Variants in RSBN1 observed in about 807,000 individuals in gnomAD.
RSBN1 encodes lysine-specific demethylase 9.
In RSBN1, 23 loss-of-function variants were observed where a neutral mutation model predicts 74.8. The observed-to-expected ratio is 0.31, with a 90% CI of 0.22 to 0.44. The LOEUF (loss-of-function observed/expected upper bound fraction) is 0.44. Among genes scored for constraint, RSBN1 ranks in the 20% least tolerant of loss-of-function variants. The probability of loss-of-function intolerance (pLI) is 1.00; values close to 1 mark genes in which losing one functional copy is unlikely to be tolerated. For missense variants in RSBN1, 808 were observed against 1,020.9 expected, an observed-to-expected ratio of 0.79 and a Z score of 2.84; for synonymous variants, 407 against 379.6, an observed-to-expected ratio of 1.07 and a Z score of -0.84.
chr1:113,782,799 C>T (rs749844641), intron 2 of RSBN1, among the ~76,000 whole-genome samples: 2 of 152,146 alleles, frequency 1.3e-5, no homozygotes, highest in African/African-American at 4.8e-5. Context: ...CATATCCTCA[C>T]CAGCATTTAT....
chr1:113,781,712 TCTGTATGTA>T (rs1326795250), intron 2 of RSBN1, among the ~76,000 whole-genome samples: 2 of 152,134 alleles, frequency 1.3e-5, no homozygotes, highest in Non-Finnish European at 2.9e-5. Flanking sequence ...TTTTTCTCCT[TCTGTATGTA>T]CTTCGCCGGT....
intron 2 of RSBN1, among the ~76,000 whole-genome samples, chr1:113,789,371 A>G (rs1169078479): frequency 6.6e-6 from 1 of 152,182 alleles, no homozygotes; most frequent in African/African-American, 2.4e-5. Flanking sequence ...CTACGGGGAA[A>G]GAAGCTCCTG....
chr1:113,772,649 T>G (rs913204223), intron 4 of RSBN1, among the ~76,000 whole-genome samples: 7 of 152,218 alleles, frequency 4.6e-5, no homozygotes, highest in African/African-American at 1.7e-4. Context: ...TATTCCACCA[T>G]TTTCCACAAG....
At chr1:113,784,173 C>T (rs1660194384) in intron 2 of RSBN1, among the ~76,000 whole-genome samples, 1 of 152,108 alleles carries the variant, frequency 6.6e-6, no homozygotes, top group East Asian at 1.9e-4. Flanking sequence ...TCTTCAAATA[C>T]TTGGAGGCCT....
intron 4 of RSBN1, among the ~76,000 whole-genome samples, chr1:113,773,319 G>A (rs1659917180): frequency 6.6e-6 from 1 of 152,062 alleles, no homozygotes; most frequent in South Asian, 2.1e-4. Flanking sequence ...GAGGCCAGGT[G>A]TTTGGGACGA....
intron 1 of RSBN1, among the ~76,000 whole-genome samples, chr1:113,808,504 T>G (rs112134243): frequency 2.7e-3 from 415 of 152,252 alleles, no homozygotes; most frequent in African/African-American, 9.5e-3. Context: ...AAATGAAAAG[T>G]TACATGCACA....
intron 2 of RSBN1, among the ~76,000 whole-genome samples, chr1:113,783,286 G>T (rs1660172001): frequency 6.6e-6 from 1 of 151,854 alleles, no homozygotes; most frequent in African/African-American, 2.4e-5. Context: ...GAAAAAAAAG[G>T]GGTGGAGGGG....
intron 2 of RSBN1, among the ~76,000 whole-genome samples, chr1:113,790,789 G>A (rs1373994831): frequency 6.6e-6 from 1 of 152,130 alleles, no homozygotes; most frequent in Non-Finnish European, 1.5e-5. Flanking sequence ...GATGGTATAT[G>A]GTTTAAAACA....
rs772415977 is a variant in RSBN1 at position 113,764,503 on chromosome 1, TTTATA to T, written c.*1472_*1476del. The T allele has an allele frequency of 3.9e-5, 6 of 152,714 alleles. No individual in the cohort carries two copies. Among genetic ancestry groups the T allele is most frequent in the Non-Finnish European group, 8.8e-5 (6 of 68,004 alleles). 9.5% of individuals were successfully genotyped at this position (152,714 alleles called of 1,614,324 possible). ...CACAACAATATTGCACAAAGTAATA[TTTATA>T]TAAGATTTAACCTATTTCAGAATAT... On this transcript the variant is annotated 3_prime_UTR_variant, in exon 7 of 7. Coordinates refer to ENST00000261441, the MANE Select transcript of RSBN1 (RefSeq NM_018364.5).
intron 2 of RSBN1, among the ~76,000 whole-genome samples, chr1:113,796,871 C>T (rs557880503): frequency 7.2e-5 from 11 of 152,180 alleles, no homozygotes; most frequent in Non-Finnish European, 1.5e-4. Context: ...GAGGCTATGG[C>T]GGTCTTCCTA....
chr1:113,772,538 A>T (rs1659904768), intron 4 of RSBN1, among the ~76,000 whole-genome samples: 1 of 152,158 alleles, frequency 6.6e-6, no homozygotes, highest in South Asian at 2.1e-4. Context: ...TTTTATTTTT[A>T]AAAAACTCTG....
intron 2 of RSBN1, among the ~76,000 whole-genome samples, chr1:113,788,167 C>T (rs1660296966): frequency 6.6e-6 from 1 of 151,718 alleles, no homozygotes; most frequent in Admixed American, 6.6e-5. Context: ...GTTAAATCTA[C>T]CCCCAGAAAG....
chr1:113,783,292 A>G (rs2636008), intron 2 of RSBN1, among the ~76,000 whole-genome samples: 59,129 of 151,286 alleles, frequency 0.39, 12,248 homozygotes, highest in East Asian at 0.81. Flanking sequence ...AAAGGGGTGG[A>G]GGGGGAGAAG....
In RSBN1 at chr1:113,762,522, T is replaced by C. The variant is rs1014358916; in HGVS notation, c.*3458A>G. On this transcript the variant is annotated 3_prime_UTR_variant, in exon 7 of 7. Transcript: ENST00000261441. The stretch of plus-strand genomic sequence containing the variant: ...CTGGCATGTGCTAGCTAGTGAAAGG[T>C]TCTTTTTTAAAAACCTGTAGCAATG... 6.5e-6 allele frequency: 1 copy of C among 152,708 alleles called. No individual in the cohort carries two copies. Among genetic ancestry groups the C allele is most frequent in the Admixed American group, 6.5e-5 (1 of 15,280 alleles). 9.5% of individuals were successfully genotyped at this position (152,708 alleles called of 1,614,324 possible).
rs554394494 is a variant in RSBN1 at position 113,763,713 on chromosome 1, T to C, written c.*2267A>G. On this transcript the variant is annotated 3_prime_UTR_variant, in exon 7 of 7. Transcript: ENST00000261441. ...ACATTTTTATTGTACTCTTTTAATGTGTTTATATTGGAGGTGAGGGTAGAA... is the reference window on the plus strand; with the variant it reads ...ACATTTTTATTGTACTCTTTTAATGCGTTTATATTGGAGGTGAGGGTAGAA... 7.1e-4 allele frequency: 108 copies of C among 152,464 alleles called. No homozygotes were observed. The highest frequency in any genetic ancestry group is 2.4e-3 in the African/African-American group (100 of 41,492). The allele number at this position is 152,464 out of a possible 1,614,324, so 9.4% of individuals were successfully genotyped here.
In RSBN1 at chr1:113,797,866, T is replaced by C. The variant is rs985468106; in HGVS notation, c.874A>G (p.Ile292Val). 1.9e-6 allele frequency: 3 copies of C among 1,613,994 alleles called. No individual in the cohort carries two copies. The highest frequency in any genetic ancestry group is 2.2e-5 in the East Asian group (1 of 44,890). Residue 292 changes from isoleucine to valine, a missense_variant, in exon 2 of 7, where the codon ATT becomes GTT. Ile to Val is a conservative substitution (Grantham distance 29). Around this residue, in one of 6 missense-constraint regions of RSBN1, gnomAD observed 85 missense variants for 126.2 expected, o/e 0.67. Transcript: ENST00000261441. ...CAGLTRISKE[I>V]LTQGQINSTS... ...CTATTTATTTGTCCTTGGGTGAGAA[T>C]TTCTTTACTGATGCGGGTCAGGCCA...
At position 113,797,639 on chromosome 1, in the gene RSBN1, A is replaced by G; in HGVS notation, c.1101T>C (p.Asn367=). The G allele has an allele frequency of 6.2e-7, 1 of 1,614,052 alleles. No homozygotes were observed. Among genetic ancestry groups the G allele is most frequent in the Non-Finnish European group, 8.5e-7 (1 of 1,179,980 alleles). The change falls in exon 2 of 7, where the codon AAT becomes AAC. Residue 367 remains asparagine (N), a synonymous_variant. Coordinates refer to ENST00000261441, the MANE Select transcript of RSBN1 (RefSeq NM_018364.5). ...AAGCATGAAGGACAAGAGCACCACC[A>G]TTGGACTGGTGTTCCTCATGAATAA... ...SNFIHEEHQS[N]GGALVLHAYM...
chr1:113,765,769 T>A lies in RSBN1; in HGVS notation c.*211A>T, dbSNP rs1399905769. 5.0e-5 allele frequency: 24 copies of A among 483,234 alleles called. No homozygotes were observed. Among genetic ancestry groups the A allele is most frequent in the Non-Finnish European group, 8.5e-5 (23 of 270,792 alleles). The allele number at this position is 483,234 out of a possible 1,614,324, so 29.9% of individuals were successfully genotyped here. A position where few individuals can be genotyped will look rare whatever the true frequency, so the allele number is the denominator to read the frequency against. On this transcript the variant is annotated 3_prime_UTR_variant, in exon 7 of 7. Transcript: ENST00000261441. ...AAACAGAAAGTAGCAGCAGACCCAC[T>A]ATTACATACTGTACTAACGGGATAA...
At chr1:113,776,860 A>T (rs1660042809) in intron 4 of RSBN1, among the ~76,000 whole-genome samples, 1 of 151,674 alleles carries the variant, frequency 6.6e-6, no homozygotes, top group Non-Finnish European at 1.5e-5. Context: ...GTTATGATAG[A>T]CTATGGTTTG....
Sources: gnomAD v4.1 joint callset for allele counts (sites outside exome capture counted in the v4.1 genomes callset) on GRCh38, gnomAD v4.1.1 for gene constraint, gnomAD v4.1.1 regional missense constraint, MANE v1.5 for transcripts, NCBI Gene and HGNC (gene_info 2026-07-23, HGNC 2026-07-21) for gene names.